The following DCAF16 variants were observed in gnomAD, a reference collection of about 807,000 sequenced individuals.
The protein encoded by DCAF16 is DDB1- and CUL4-associated factor 16.
A neutral mutation model predicts 17.3 loss-of-function variants in DCAF16; 10 were observed. That is an observed-to-expected ratio of 0.58 (90% CI 0.36 to 0.98). The LOEUF (loss-of-function observed/expected upper bound fraction) is 0.98. DCAF16 is among the 50% of genes least tolerant of loss of function. The pLI is 0.01. For missense variants in DCAF16, 249 were observed against 247.6 expected (o/e 1.01, Z -0.04); for synonymous variants, 111 against 92.8 (o/e 1.20, Z -1.12).
chr4:17,807,366 C>A (rs1720421080), intron 1 of DCAF16, among the ~76,000 whole-genome samples: 1 of 152,120 alleles, frequency 6.6e-6, no homozygotes, highest in African/African-American at 2.4e-5. Context: ...AAGAGAAAAT[C>A]CCAAGGCATG....
downstream of DCAF16, among the ~76,000 whole-genome samples, chr4:17,796,505 T>C (rs968687093): frequency 6.6e-6 from 1 of 152,158 alleles, no homozygotes; most frequent in Non-Finnish European, 1.5e-5. Flanking sequence ...GGTCAGGAGA[T>C]TGAGACCATC....
At chr4:17,806,203 TATTC>T (rs1334511122) in intron 1 of DCAF16, among the ~76,000 whole-genome samples, 2 of 152,226 alleles carry the variant, frequency 1.3e-5, no homozygotes, top group Admixed American at 6.5e-5. Context: ...AACCTATGAA[TATTC>T]ATTAATTTAA....
intron 1 of DCAF16, among the ~76,000 whole-genome samples, chr4:17,809,156 A>G (rs1720617866): frequency 6.6e-6 from 1 of 152,240 alleles, no homozygotes; most frequent in Non-Finnish European, 1.5e-5. Context: ...AGGAGAATGG[A>G]TAAGGTATGG....
intron 1 of DCAF16, among the ~76,000 whole-genome samples, chr4:17,808,432 T>C (rs1348337210): frequency 6.6e-6 from 1 of 152,210 alleles, no homozygotes; most frequent in Admixed American, 6.5e-5. Context: ...AGGCTCTTAC[T>C]TTCCCATAAT....
In DCAF16 at chr4:17,810,706, C is replaced by G. The variant is rs528968045; in HGVS notation, c.-1009G>C. ...GCCAGGCCTAACGCCAGCAGCCCTTCCCCTCCGGTGGCAAGGCCACTCCGC... is the reference window on the plus strand; with the variant it reads ...GCCAGGCCTAACGCCAGCAGCCCTTGCCCTCCGGTGGCAAGGCCACTCCGC... On this transcript the variant is annotated 5_prime_UTR_variant, in exon 1 of 3. Transcript: ENST00000382247. 5.5e-6 allele frequency: 1 copy of G among 180,868 alleles called. No homozygotes were observed. The highest frequency in any genetic ancestry group is 1.8e-4 in the South Asian group (1 of 5,422). The allele number at this position is 180,868 out of a possible 1,614,324, so 11.2% of individuals were successfully genotyped here. A position where few individuals can be genotyped will look rare whatever the true frequency, so the allele number is the denominator to read the frequency against.
chr4:17,794,958 C>G, the DCAF16 span, among the ~76,000 whole-genome samples: 1 of 152,172 alleles, frequency 6.6e-6, no homozygotes. Context: ...CTGGGACTTT[C>G]CTCGTTTTCC....
At chr4:17,793,812 T>C in the DCAF16 span, among the ~76,000 whole-genome samples, 1 of 152,236 alleles carries the variant, frequency 6.6e-6, no homozygotes, top group Non-Finnish European at 1.5e-5. Flanking sequence ...AGTACACTTA[T>C]GATTAGTGCA....
Position 17,805,228 on chromosome 4 carries a change from G to A in DCAF16, c.-749-3C>T, listed in dbSNP as rs1227524469. 1.3e-5 allele frequency: 2 copies of A among 150,998 alleles called. No individual in the cohort carries two copies. Among genetic ancestry groups the A allele is most frequent in the Non-Finnish European group, 2.9e-5 (2 of 67,884 alleles). 9.4% of individuals were successfully genotyped at this position (150,998 alleles called of 1,614,324 possible). ...TCCTATCACCAATTCTATATAAGCT[G>A]TTCCACAAAAAAGAAAAAAGCATGA... On this transcript the variant is annotated splice_region_variant and splice_polypyrimidine_tract_variant and intron_variant, in intron 1 of 2. Coordinates refer to ENST00000382247, the MANE Select transcript of DCAF16 (RefSeq NM_017741.4).
chr4:17,794,108 C>T, the DCAF16 span, among the ~76,000 whole-genome samples: 7 of 152,012 alleles, frequency 4.6e-5, no homozygotes, highest in Non-Finnish European at 7.4e-5. Flanking sequence ...GCAAAAATAG[C>T]ATGGAAGATG....
rs753251137 is a variant in DCAF16 at position 17,803,546 on chromosome 4, T to C, written c.596A>G (p.Tyr199Cys). 1 of 1,614,080 alleles carries C rather than the reference T, an allele frequency of 6.2e-7. No homozygotes were observed. The highest frequency in any genetic ancestry group is 1.3e-5 in the African/African-American group (1 of 74,936). The change falls in exon 3 of 3, where the codon TAT becomes TGT. Residue 199 changes from tyrosine to cysteine, a missense_variant. Physicochemically the swap from Tyr to Cys is radical, Grantham distance 194. Coordinates refer to ENST00000382247, the MANE Select transcript of DCAF16 (RefSeq NM_017741.4). ...TGCCTTTTGGAAGTCAGTGTAAGAA[T>C]AAGTAGTGTTGATGGGTTCAGTACG... is the stretch of plus-strand genomic sequence containing the variant. Reference protein sequence around the residue: ...TTRTEPINTTYSYTDFQKAVN... With the variant: ...TTRTEPINTTCSYTDFQKAVN...
chr4:17,804,440 G>T lies in DCAF16; in HGVS notation c.-299C>A. On this transcript the variant is annotated 5_prime_UTR_variant, in exon 3 of 3. Coordinates refer to ENST00000382247, the MANE Select transcript of DCAF16 (RefSeq NM_017741.4). ...GTCAGAGTATCTCCTTCAAATCCTGGCTACCCAAGAATAGAAGGGGTCCTC... is the reference window on the plus strand; with the variant it reads ...GTCAGAGTATCTCCTTCAAATCCTGTCTACCCAAGAATAGAAGGGGTCCTC... 2.8e-6 allele frequency: 1 copy of T among 362,312 alleles called. No homozygotes were observed. The highest frequency in any genetic ancestry group is 5.3e-6 in the Non-Finnish European group (1 of 189,462). 22.4% of individuals were successfully genotyped at this position (362,312 alleles called of 1,614,324 possible).
At chr4:17,799,990 A>T (rs1719622042), downstream of DCAF16, among the ~76,000 whole-genome samples, 1 of 152,042 alleles carries the variant, frequency 6.6e-6, no homozygotes, top group South Asian at 2.1e-4. Flanking sequence ...TCTACTAAAA[A>T]TACAAAATTA....
At position 17,804,309 on chromosome 4, in the gene DCAF16, C is replaced by G; in HGVS notation, c.-168G>C. ...TATGCTTGTGGCCCATACCACTGTGCCGTTCTTCAAGATTATGTTGTATAT... is the reference window on the plus strand; with the variant it reads ...TATGCTTGTGGCCCATACCACTGTGGCGTTCTTCAAGATTATGTTGTATAT... On this transcript the variant is annotated 5_prime_UTR_variant, in exon 3 of 3. Transcript: ENST00000382247. 1.6e-6 allele frequency: 1 copy of G among 635,388 alleles called. No homozygotes were observed. Among genetic ancestry groups the G allele is most frequent in the East Asian group, 2.8e-5 (1 of 36,310 alleles). 39.4% of individuals were successfully genotyped at this position (635,388 alleles called of 1,614,324 possible).
intron 1 of DCAF16, among the ~76,000 whole-genome samples, chr4:17,807,909 A>G (rs1268531328): frequency 6.6e-6 from 1 of 151,894 alleles, no homozygotes; most frequent in Non-Finnish European, 1.5e-5. Flanking sequence ...TTTTCCTCTA[A>G]TGAGTATTTC....
chr4:17,800,602 C>T (rs1165955537), downstream of DCAF16: 1 of 152,544 alleles, frequency 6.6e-6, no homozygotes, highest in East Asian at 1.9e-4. Flanking sequence ...TAGAATATGC[C>T]TTAAGCAAAG....
chr4:17,803,478 A>T lies in DCAF16; in HGVS notation c.*13T>A. The T allele has an allele frequency of 6.2e-7, 1 of 1,608,284 alleles. No homozygotes were observed. The highest frequency in any genetic ancestry group is 8.5e-7 in the Non-Finnish European group (1 of 1,175,828). The stretch of plus-strand genomic sequence containing the variant: ...TTAGCAACATCAGAGATATCAGAGC[A>T]AATGGTAGATCTTTACAGTGATGCA... On this transcript the variant is annotated 3_prime_UTR_variant, in exon 3 of 3. Transcript: ENST00000382247.
In DCAF16 at chr4:17,802,195, C is replaced by T. The variant is rs995000211; in HGVS notation, c.*1296G>A. 1 of 151,852 alleles carries T rather than the reference C, an allele frequency of 6.6e-6. No individual in the cohort carries two copies. Among genetic ancestry groups the T allele is most frequent in the African/African-American group, 2.4e-5 (1 of 41,192 alleles). 9.4% of individuals were successfully genotyped at this position (151,852 alleles called of 1,614,324 possible). On this transcript the variant is annotated 3_prime_UTR_variant, in exon 3 of 3. Coordinates refer to ENST00000382247, the MANE Select transcript of DCAF16 (RefSeq NM_017741.4). ...AGCTTTTACTCCAGGAAATGCTATA[C>T]AGATTAAAATTTTAATCCATTAGCA...
the DCAF16 span, among the ~76,000 whole-genome samples, chr4:17,794,644 T>A: frequency 6.6e-6 from 1 of 152,190 alleles, no homozygotes; most frequent in African/African-American, 2.4e-5. Context: ...ATTGAAAAAC[T>A]TTTTATTTTC....
Position 17,803,390 on chromosome 4 carries a change from G to A in DCAF16, c.*101C>T. 8.8e-7 allele frequency: 1 copy of A among 1,137,598 alleles called. No individual in the cohort carries two copies. Among genetic ancestry groups the A allele is most frequent in the Non-Finnish European group, 1.3e-6 (1 of 776,458 alleles). The allele number at this position is 1,137,598 out of a possible 1,614,324, so 70.5% of individuals were successfully genotyped here. ...TCCTCATTGGCTTGCCAGGGCATAA[G>A]AGAGTTTGACTGAGAAGGCATTAGT... is the stretch of plus-strand genomic sequence containing the variant. On this transcript the variant is annotated 3_prime_UTR_variant, in exon 3 of 3. Coordinates refer to ENST00000382247, the MANE Select transcript of DCAF16 (RefSeq NM_017741.4).
Sources: gnomAD v4.1 joint callset for allele counts (sites outside exome capture counted in the v4.1 genomes callset) on GRCh38, gnomAD v4.1.1 for gene constraint, MANE v1.5 for transcripts, NCBI Gene and HGNC (gene_info 2026-07-23, HGNC 2026-07-21) for gene names.